Variants in SRCAP observed in about 807,000 individuals in gnomAD.
SRCAP encodes the protein Snf2 related CREBBP activator protein, also known as chromatin remodeling protein SRCAP.
In SRCAP, 46 loss-of-function variants were observed where a neutral mutation model predicts 263.1. The ratio of observed to expected loss-of-function variants is 0.17; its 90% CI spans 0.14 to 0.22. The LOEUF is 0.22. Ranked by LOEUF, SRCAP falls within the 10% of genes least tolerant of loss-of-function variation. The pLI is 1.00. For synonymous variants in SRCAP, 1,813 were observed against 1,662.1 expected (o/e 1.09, Z -2.21); for missense variants, 3,695 against 4,181.9 (o/e 0.88, Z 3.21).
intron 6 of SRCAP, 149 bp downstream of exon 6, chr16:30,707,861 T>C (rs1464887531): frequency 1.0e-6 from 1 of 994,986 alleles, no homozygotes; most frequent in Non-Finnish European, 1.5e-6. Flanking sequence ...AAAAGTATAG[T>C]GGCAAAATAT....
At position 30,700,867 on chromosome 16, in the gene SRCAP, C is replaced by G. The variant is rs371783481; in HGVS notation, c.43C>G (p.Leu15Val). Residue 15 changes from leucine to valine, a missense_variant, in exon 3 of 34, where the codon CTA becomes GTA. Around this residue, in one of 12 missense-constraint regions of SRCAP, gnomAD observed 122 missense variants for 116.9 expected, o/e 1.04. Transcript: ENST00000262518. ...CCCTGCTCACCCTCAGCTCCCAGTC[C>G]TACAGACACAGGTTTGAAAGTGGGA... ...PSPAHPQLPV[L>V]QTQMVSDGMT... The G allele has an allele frequency of 6.2e-7, 1 of 1,614,184 alleles. No individual in the cohort carries two copies. The highest frequency in any genetic ancestry group is 1.7e-5 in the Admixed American group (1 of 60,018).
intron 25 of SRCAP, among the ~76,000 whole-genome samples, chr16:30,727,288 C>T (rs1311854576): frequency 1.3e-5 from 2 of 152,220 alleles, no homozygotes; most frequent in Admixed American, 6.5e-5. Flanking sequence ...GAAGAACTAT[C>T]TGTTCAGATC....
intron 22 of SRCAP, 114 bp from the exon 23 acceptor site, chr16:30,722,449 G>T: frequency 6.6e-7 from 1 of 1,504,754 alleles, no homozygotes. Flanking sequence ...TAGGGAAGAG[G>T]TCATTCTAGA....
Position 30,739,869 on chromosome 16 carries a change from C to T in SRCAP, c.*136C>T, listed in dbSNP as rs2053207823. The T allele has an allele frequency of 1.5e-6, 2 of 1,331,594 alleles. No homozygotes were observed. The highest frequency in any genetic ancestry group is 2.0e-6 in the Non-Finnish European group (2 of 1,018,712). The allele number at this position is 1,331,594 out of a possible 1,614,324, so 82.5% of individuals were successfully genotyped here. On this transcript the variant is annotated 3_prime_UTR_variant, in exon 34 of 34. Transcript: ENST00000262518. ...ATAGGGGCCTTCTCCCTTCTTCCCA[C>T]CAAAGTAGGGGGTAGGCAACTGGTT...
intron 3 of SRCAP, chr16:30,701,189 T>G: frequency 3.3e-6 from 1 of 306,094 alleles, no homozygotes; most frequent in Admixed American, 4.1e-5. Context: ...CTATCAGTAC[T>G]GGAGTAGGAT....
At chr16:30,715,060 C>T (rs759926172) in intron 16 of SRCAP, among the ~76,000 whole-genome samples, 2 of 152,162 alleles carry the variant, frequency 1.3e-5, no homozygotes, top group African/African-American at 2.4e-5. Flanking sequence ...AAGGCTTTGA[C>T]TATTTCTTAT....
chr16:30,729,307 G>A, intron 26 of SRCAP, 63 bp from the exon 27 acceptor site: 5 of 1,606,310 alleles, frequency 3.1e-6, no homozygotes, highest in Non-Finnish European at 4.3e-6. Context: ...GCTGGTGAAG[G>A]TGTTAACTTC....
chr16:30,736,965 C>T (rs1287620830), intron 33 of SRCAP, 84 bp from the exon 34 acceptor site: 17 of 1,445,698 alleles, frequency 1.2e-5, no homozygotes, highest in East Asian at 2.3e-5. Flanking sequence ...TGAGCCACCG[C>T]GCCTGACCTG....
In SRCAP at chr16:30,700,613, T is replaced by C; in HGVS notation, c.-209-3T>C. 2.4e-6 allele frequency: 1 copy of C among 417,354 alleles called. No individual in the cohort carries two copies. 25.9% of individuals were successfully genotyped at this position (417,354 alleles called of 1,614,324 possible). A position where few individuals can be genotyped will look rare whatever the true frequency, so the allele number is the denominator to read the frequency against. ...TTTTTTTTTTTTTTTAACCCTACTT[T>C]AGGTGCTCCAGAGGCTGGTGGACCT... On this transcript the variant is annotated splice_region_variant and splice_polypyrimidine_tract_variant and intron_variant, in intron 2 of 33. Coordinates refer to ENST00000262518, the MANE Select transcript of SRCAP (RefSeq NM_006662.3).
chr16:30,723,173 C>T lies in SRCAP; in HGVS notation c.4103C>T (p.Pro1368Leu). ...ACTGCTCGAGCCCCCATGCCCACAC[C>T]CACTCTGGTGAGGCCTCTTCTCAAG... ...LGTARAPMPT[P>L]TLVRPLLKLV... Residue 1368 changes from proline (P) to leucine (L), a missense_variant, in exon 24 of 34, where the codon CCC (proline) becomes CTC (leucine). Physicochemically the swap from Pro to Leu is moderately conservative, Grantham distance 98 (BLOSUM62 -3). Transcript: ENST00000262518. 6.2e-7 allele frequency: 1 copy of T among 1,614,134 alleles called. No individual in the cohort carries two copies. The highest frequency in any genetic ancestry group is 8.5e-7 in the Non-Finnish European group (1 of 1,180,026).
intron 18 of SRCAP, among the ~76,000 whole-genome samples, chr16:30,718,798 A>G (rs777309060): frequency 1.1e-4 from 16 of 151,918 alleles, no homozygotes; most frequent in African/African-American, 1.9e-4. Context: ...ATGTAGTTCA[A>G]TTTATCAATT....
chr16:30,720,659 G>A (rs1274357790), intron 19 of SRCAP, 54 bp from the exon 20 acceptor site: 5 of 1,495,390 alleles, frequency 3.3e-6, no homozygotes, highest in African/African-American at 1.4e-5. Flanking sequence ...CTTTGATATT[G>A]CTACCCCTTA....
intron 4 of SRCAP, among the ~76,000 whole-genome samples, chr16:30,706,284 C>T (rs1287510497): frequency 1.3e-5 from 2 of 152,050 alleles, no homozygotes; most frequent in Admixed American, 6.6e-5. Flanking sequence ...TGTGAAACCT[C>T]GCCCCTACGA....
intron 19 of SRCAP, 113 bp from the exon 20 acceptor site, chr16:30,720,599 TC>T: frequency 7.7e-7 from 1 of 1,297,716 alleles, no homozygotes; most frequent in Non-Finnish European, 1.1e-6. Flanking sequence ...TGGGTCTCTT[TC>T]CTTTTCTTTG....
rs2151293426 is a variant in SRCAP at position 30,722,573 on chromosome 16, G to A, written c.3717G>A (p.Val1239=). Reference sequence around the variant, plus strand: ...CTTCCCTTAACCCAGGGAATGTGGTGCACCTCGTGTCAGCAGGGGGGCAGC... The same window carrying A: ...CTTCCCTTAACCCAGGGAATGTGGTACACCTCGTGTCAGCAGGGGGGCAGC... ...GQPRPLQRNV[V]HLVSAGGQHH... The change falls in exon 23 of 34, where the codon GTG becomes GTA. Residue 1239 remains valine, a synonymous_variant. Coordinates refer to ENST00000262518, the MANE Select transcript of SRCAP (RefSeq NM_006662.3). The A allele has an allele frequency of 6.2e-7, 1 of 1,614,016 alleles. No homozygotes were observed. The highest frequency in any genetic ancestry group is 1.1e-5 in the South Asian group (1 of 91,062).
chr16:30,730,335 A>G (rs1262283163), intron 27 of SRCAP, among the ~76,000 whole-genome samples: 3 of 129,856 alleles, frequency 2.3e-5, no homozygotes, highest in Non-Finnish European at 4.9e-5. Context: ...ACCAACTAAC[A>G]GTCATTGTTT....
chr16:30,723,646 C>A lies in SRCAP; in HGVS notation c.4222C>A (p.Pro1408Thr), dbSNP rs151230923. 2 of 1,613,648 alleles carry A rather than the reference C, an allele frequency of 1.2e-6. No individual in the cohort carries two copies. Among genetic ancestry groups the A allele is most frequent in the Non-Finnish European group, 1.7e-6 (2 of 1,179,774 alleles). ...SSPLHVPSSLPGPASSPMPIP... is the reference protein window; with the variant it reads ...SSPLHVPSSLTGPASSPMPIP... ...TCCTCTCCACGTGCCATCCTCCCTC[C>A]CTGGGCCAGCCTCTTCTCCAATGCC... Residue 1408 changes from proline to threonine, a missense_variant, in exon 25 of 34, where the codon CCT becomes ACT. By Grantham distance (38) the Pro-to-Thr change is conservative. Transcript: ENST00000262518.
At chr16:30,711,351 G>T (rs2052889113) in intron 10 of SRCAP, among the ~76,000 whole-genome samples, 2 of 152,182 alleles carry the variant, frequency 1.3e-5, no homozygotes, top group Non-Finnish European at 1.5e-5. Context: ...ACCTTGAGAG[G>T]CTCACCAGGT....
At chr16:30,715,269 A>G (rs1223110939) in intron 16 of SRCAP, among the ~76,000 whole-genome samples, 1 of 152,250 alleles carries the variant, frequency 6.6e-6, no homozygotes, top group South Asian at 2.1e-4. Flanking sequence ...AAACTAAGCT[A>G]GAAAACAGGA....
Sources: allele counts gnomAD v4.1 joint callset (sites outside exome capture counted in the v4.1 genomes callset), GRCh38; gene constraint gnomAD v4.1.1; regional missense constraint gnomAD v4.1.1; transcripts MANE v1.5; gene names NCBI Gene and HGNC (gene_info 2026-07-23, HGNC 2026-07-21).